ODAD2: variants seen among roughly 807,000 people sequenced by gnomAD.
ODAD2 encodes outer dynein arm-docking complex subunit 2.
A neutral mutation model predicts 106.8 loss-of-function variants in ODAD2; 89 were observed. The ratio of observed to expected loss-of-function variants is 0.83; its 90% CI spans 0.70 to 0.99. ODAD2 has a LOEUF of 0.99. ODAD2 is among the 50% of genes least tolerant of loss of function. The pLI is 0.00. For synonymous variants in ODAD2, 404 were observed against 436.2 expected, an observed-to-expected ratio of 0.93 and a Z score of 0.92; for missense variants, 1,168 against 1,238.5, an observed-to-expected ratio of 0.94 and a Z score of 0.85.
At position 27,987,389 on chromosome 10, in the gene ODAD2, C is replaced by T. The variant is rs1413564498; in HGVS notation, c.379G>A (p.Glu127Lys). 23 of 1,612,696 alleles carry T rather than the reference C, an allele frequency of 1.4e-5. No individual in the cohort carries two copies. The highest frequency in any genetic ancestry group is 1.9e-5 in the Non-Finnish European group (22 of 1,179,592). The change falls in exon 3 of 20, where the codon GAA (glutamate) becomes AAA (lysine). Residue 127 changes from glutamate (E) to lysine (K), a missense_variant. Around this residue, in one of 3 missense-constraint regions of ODAD2, gnomAD observed 430 missense variants for 452.2 expected, o/e 0.95. Transcript: ENST00000305242. ...CAGACTGGAGCATTAAGATCACCTT[C>T]AACACATGCTTGGGCTTCCTTCAAC... ...GKLKEAQACV[E>K]ANRDPIVKIL...
chr10:27,915,501 T>A (rs1359455517), intron 16 of ODAD2, among the ~76,000 whole-genome samples: 2 of 152,062 alleles, frequency 1.3e-5, no homozygotes, highest in African/African-American at 4.8e-5. Flanking sequence ...CCTAATCACT[T>A]CCCAAAAGTC....
chr10:27,984,978 T>C lies in ODAD2; in HGVS notation c.575+41A>G, dbSNP rs146578096. ...AGGCTGGAGTTCAGTGGTGCAATCTTGGCTCAATACAATAGAGGTTCCTTT... is the reference window on the plus strand; with the variant it reads ...AGGCTGGAGTTCAGTGGTGCAATCTCGGCTCAATACAATAGAGGTTCCTTT... On this transcript the variant is annotated intron_variant, in intron 4 of 19. Transcript: ENST00000305242. The C allele has an allele frequency of 4.9e-4, 728 of 1,497,232 alleles. 1 individual carries two copies. The highest frequency in any genetic ancestry group is 7.3e-4 in the African/African-American group (52 of 71,708). 92.7% of individuals were successfully genotyped at this position (1,497,232 alleles called of 1,614,324 possible). A position where few individuals can be genotyped will look rare whatever the true frequency, so the allele number is the denominator to read the frequency against.
chr10:27,957,289 C>A (rs1050555548), intron 10 of ODAD2: 16 of 152,202 alleles, frequency 1.1e-4, no homozygotes, highest in Admixed American at 7.2e-4. Context: ...GCAGGAAGAA[C>A]TGCTTTCAGG....
intron 16 of ODAD2, among the ~76,000 whole-genome samples, chr10:27,909,043 C>A (rs1843796678): frequency 6.6e-6 from 1 of 152,170 alleles, no homozygotes; most frequent in East Asian, 1.9e-4. Context: ...AAGAAACATA[C>A]TAGCACTTCA....
At chr10:27,991,057 T>A (rs530841530) in intron 2 of ODAD2, among the ~76,000 whole-genome samples, 1 of 152,246 alleles carries the variant, frequency 6.6e-6, no homozygotes. Flanking sequence ...TCAAAGTGCC[T>A]TGGTTCTATG....
Position 27,812,607 on chromosome 10 carries a change from C to A in ODAD2, c.3040G>T (p.Gly1014Trp). Reference sequence around the variant, plus strand: ...TCCTGGAGATCCTGGTCAGGGGACCCAACCATATCCAGTAGAAGCTGTCAC... The same window carrying A: ...TCCTGGAGATCCTGGTCAGGGGACCAAACCATATCCAGTAGAAGCTGTCAC... ...GAVKLLLDMV[G>W]SPDQDLQEAA... is the part of the protein sequence containing the mutation. Residue 1014 changes from glycine to tryptophan, a missense_variant, in exon 20 of 20, where the codon GGG becomes TGG. This residue lies in a region of ODAD2 where 701 missense variants were observed against 712.3 expected (regional missense o/e 0.98). Coordinates refer to ENST00000305242, the MANE Select transcript of ODAD2 (RefSeq NM_018076.5). The A allele has an allele frequency of 6.2e-7, 1 of 1,604,536 alleles. No homozygotes were observed. The highest frequency in any genetic ancestry group is 2.3e-5 in the East Asian group (1 of 44,124).
At chr10:27,834,612 T>C (rs1194828817) in intron 19 of ODAD2, among the ~76,000 whole-genome samples, 1 of 151,974 alleles carries the variant, frequency 6.6e-6, no homozygotes, top group East Asian at 1.9e-4. Context: ...GAGATAACGA[T>C]GGAGAGGCAG....
At chr10:27,932,845 T>C (rs780150735) in intron 16 of ODAD2, among the ~76,000 whole-genome samples, 12 of 152,336 alleles carry the variant, frequency 7.9e-5, no homozygotes, top group Admixed American at 6.5e-5. Flanking sequence ...GTATAGTCAA[T>C]GTTCCACACA....
rs146489459 is a variant in ODAD2 at position 27,944,249 on chromosome 10, C to A, written c.1716G>T (p.Val572=). Reference sequence around the variant, plus strand: ...GTTTGGTGATACCCCCGTGCTGCCTCACCACCCGCCGTGCTCTTTTAAACT... The same window carrying A: ...GTTTGGTGATACCCCCGTGCTGCCTAACCACCCGCCGTGCTCTTTTAAACT... The part of the protein sequence containing the change: ...VAKFKRARRV[V]RQHGGITKLV... The change falls in exon 12 of 20, where the codon GTG becomes GTT. Residue 572 remains valine (V), a synonymous_variant. Coordinates refer to ENST00000305242, the MANE Select transcript of ODAD2 (RefSeq NM_018076.5). 40 of 1,613,166 alleles carry A rather than the reference C, an allele frequency of 2.5e-5. No individual in the cohort carries two copies. The highest frequency in any genetic ancestry group is 3.4e-6 in the Non-Finnish European group (4 of 1,179,950).
At chr10:27,904,338 A>G (rs1589976024) in intron 17 of ODAD2, 1 of 302,456 alleles carries the variant, frequency 3.3e-6, no homozygotes, top group Non-Finnish European at 6.8e-6. Flanking sequence ...TCATGGCAGG[A>G]AGCAGAGCGG....
intron 6 of ODAD2, among the ~76,000 whole-genome samples, chr10:27,983,140 T>G (rs1207229661): frequency 2.0e-5 from 3 of 152,170 alleles, no homozygotes; most frequent in African/African-American, 7.2e-5. Context: ...TTGGTTCCAG[T>G]TTCCAGGTTT....
At chr10:27,946,617 G>A (rs1055350126) in intron 10 of ODAD2, among the ~76,000 whole-genome samples, 1 of 152,044 alleles carries the variant, frequency 6.6e-6, no homozygotes, top group Non-Finnish European at 1.5e-5. Flanking sequence ...TAGGGAACTT[G>A]AACTTAGTTG....
At chr10:27,859,019 C>G (rs1317736591) in intron 19 of ODAD2, among the ~76,000 whole-genome samples, 1 of 150,552 alleles carries the variant, frequency 6.6e-6, no homozygotes, top group Non-Finnish European at 1.5e-5. Context: ...TGCTATATGT[C>G]AGACATTTTT....
intron 16 of ODAD2, among the ~76,000 whole-genome samples, chr10:27,928,971 G>C (rs1160452583): frequency 6.6e-6 from 1 of 152,134 alleles, no homozygotes; most frequent in East Asian, 1.9e-4. Flanking sequence ...AATAGTTGGT[G>C]AATGATGAGA....
At chr10:27,992,141 A>C (rs1251027461) in intron 2 of ODAD2, among the ~76,000 whole-genome samples, 2 of 152,152 alleles carry the variant, frequency 1.3e-5, no homozygotes, top group Non-Finnish European at 2.9e-5. Flanking sequence ...TCAGCTGTAC[A>C]CTTTGCCTTC....
intron 19 of ODAD2, among the ~76,000 whole-genome samples, chr10:27,819,267 TAGAA>T (rs1564393768): frequency 6.6e-6 from 1 of 151,570 alleles, no homozygotes; most frequent in Admixed American, 6.6e-5. Flanking sequence ...GCAACAGAAA[TAGAA>T]GGAATGAAAA....
chr10:27,856,194 T>C (rs913017141), intron 19 of ODAD2, among the ~76,000 whole-genome samples: 5 of 152,224 alleles, frequency 3.3e-5, no homozygotes, highest in Non-Finnish European at 5.9e-5. Context: ...CCTGGGCTGA[T>C]ACATTTGAAA....
intron 19 of ODAD2, among the ~76,000 whole-genome samples, chr10:27,857,592 G>A (rs7893159): frequency 0.045 from 6,829 of 152,182 alleles, 495 homozygotes; most frequent in African/African-American, 0.16. Flanking sequence ...CATTTCTGCT[G>A]GGCAGCGCTG....
intron 12 of ODAD2, among the ~76,000 whole-genome samples, chr10:27,941,446 C>T (rs577855772): frequency 6.6e-6 from 1 of 150,646 alleles, no homozygotes. Flanking sequence ...GATCACACCA[C>T]TGCACTCCAG....
Sources: gnomAD v4.1 joint callset for allele counts (sites outside exome capture counted in the v4.1 genomes callset) on GRCh38, gnomAD v4.1.1 for gene constraint, gnomAD v4.1.1 regional missense constraint, MANE v1.5 for transcripts, NCBI Gene and HGNC (gene_info 2026-07-23, HGNC 2026-07-21) for gene names.